The following RETREG1 variants were observed in gnomAD, a reference collection of about 807,000 sequenced individuals.
RETREG1 encodes family with sequence similarity 134 member B.
RETREG1 carries 44 observed loss-of-function variants against 54.8 expected under a neutral mutation model. The ratio of observed to expected loss-of-function variants is 0.80; its 90% CI spans 0.63 to 1.03. The LOEUF (loss-of-function observed/expected upper bound fraction) is 1.03, where lower values mean the gene tolerates loss of function less well. RETREG1 is among the 50% of genes least tolerant of loss of function. The pLI, the probability that RETREG1 is intolerant of heterozygous loss-of-function variation, is 0.00. For synonymous variants in RETREG1, 217 were observed against 238.5 expected, an observed-to-expected ratio of 0.91 and a Z score of 0.83; for missense variants, 554 against 605.1, an observed-to-expected ratio of 0.92 and a Z score of 0.89.
rs1173520602 is a variant in RETREG1, at chr5:16,583,730, AC to A, written c.321-11629del. On this transcript the variant is annotated intron_variant, in intron 1 of 8. Coordinates refer to ENST00000306320, the MANE Select transcript of RETREG1 (RefSeq NM_001034850.3). ...AGTTCTTTCCATGTGTAAAAATCTA[AC>A]CCTCATTTCTGAGTAAAGCACAACC... Among the ~76,000 whole-genome samples the A allele has an allele frequency of 5.9e-5, 9 of 152,266 alleles. No homozygotes were observed. The East Asian group carries it at 1.5e-3, about 26-fold the overall frequency.
At chr5:16,514,464 G>C (rs1740281206) in intron 3 of RETREG1, among the ~76,000 whole-genome samples, 1 of 152,120 alleles carries the variant, frequency 6.6e-6, no homozygotes. Context: ...TGTATCTTCA[G>C]TATATTCCGT....
At chr5:16,526,920 A>G (rs1035238504) in intron 3 of RETREG1, among the ~76,000 whole-genome samples, 2 of 152,170 alleles carry the variant, frequency 1.3e-5, no homozygotes, top group Admixed American at 6.5e-5. Flanking sequence ...GCTACAGACA[A>G]CTAACACTCA....
At chr5:16,614,949 A>G (rs1465771252) in intron 1 of RETREG1, among the ~76,000 whole-genome samples, 1 of 152,220 alleles carries the variant, frequency 6.6e-6, no homozygotes, top group South Asian at 2.1e-4. Context: ...GAGACACAGG[A>G]AACTAGCAAC....
At position 16,521,575 on chromosome 5, in the gene RETREG1, T is replaced by A. The variant is rs1579641698; in HGVS notation, c.459-38103A>T. ...TAGCAAACGTAAGGAAGTGGAAATT[T>A]TCAAAGTCCACACACCATAGAGACA... On this transcript the variant is annotated intron_variant, in intron 3 of 8. Transcript: ENST00000306320. 2.0e-5 allele frequency among the ~76,000 whole-genome samples: 3 copies of A among 152,312 alleles called. No homozygotes were observed. The East Asian group carries it at 5.8e-4, about 29-fold the overall frequency.
intron 3 of RETREG1, among the ~76,000 whole-genome samples, chr5:16,563,409 C>A (rs540796589): frequency 6.6e-6 from 1 of 152,194 alleles, no homozygotes; most frequent in Admixed American, 6.5e-5. Context: ...ATGCATGCGC[C>A]ACCATGCCCA....
chr5:16,605,890 G>C (rs556340109), intron 1 of RETREG1, among the ~76,000 whole-genome samples: 1 of 152,212 alleles, frequency 6.6e-6, no homozygotes, highest in African/African-American at 2.4e-5. Flanking sequence ...CCTCCTAAAG[G>C]CTCCACCTCT....
intron 3 of RETREG1, among the ~76,000 whole-genome samples, chr5:16,535,369 G>A (rs980388124): frequency 2.6e-5 from 4 of 151,910 alleles, no homozygotes; most frequent in African/African-American, 4.8e-5. Context: ...GAGCTCCTGC[G>A]TGCATGGGGC....
chr5:16,592,819 C>T (rs566369226), intron 1 of RETREG1, among the ~76,000 whole-genome samples: 9 of 152,138 alleles, frequency 5.9e-5, no homozygotes, highest in Non-Finnish European at 1.2e-4. Context: ...CACATGTTCT[C>T]ACTTATAAGT....
chr5:16,578,960 G>A (rs1321688119), intron 1 of RETREG1, among the ~76,000 whole-genome samples: 1 of 152,196 alleles, frequency 6.6e-6, no homozygotes, highest in Non-Finnish European at 1.5e-5. Flanking sequence ...AGAGAAGGTG[G>A]CATCTAAACT....
At chr5:16,534,998 G>A (rs572932430) in intron 3 of RETREG1, among the ~76,000 whole-genome samples, 1 of 152,272 alleles carries the variant, frequency 6.6e-6, no homozygotes, top group South Asian at 2.1e-4. Context: ...AGCTTCCAGA[G>A]TGGTAGAGAA....
chr5:16,494,732 T>A (rs907324655), intron 3 of RETREG1, among the ~76,000 whole-genome samples: 3 of 152,206 alleles, frequency 2.0e-5, no homozygotes, highest in Non-Finnish European at 2.9e-5. Flanking sequence ...TGGTATTTCT[T>A]TATAGCAGTG....
At position 16,573,735 on chromosome 5, in the gene RETREG1, G is replaced by GT. The variant is rs3993826; in HGVS notation, c.321-1634dup. Among the ~76,000 whole-genome samples the GT allele has an allele frequency of 2.5e-3, 303 of 122,134 alleles. 17 individuals carry two copies. The highest frequency in any genetic ancestry group is 0.011 in the Middle Eastern group (2 of 182). 80.1% of individuals were successfully genotyped at this position (122,134 alleles called of 152,430 possible). On this transcript the variant is annotated intron_variant, in intron 1 of 8. Transcript: ENST00000306320. ...TTTAATTGGTTTTTTGGGTTTGTTT[G>GT]TTTTTTGTTTTTTTTTTTTTTTTTT...
intron 3 of RETREG1, among the ~76,000 whole-genome samples, chr5:16,511,792 G>A (rs1282664830): frequency 1.3e-5 from 2 of 152,182 alleles, no homozygotes; most frequent in African/African-American, 4.8e-5. Context: ...TAGAATCATG[G>A]TGGAGGGGGA....
chr5:16,616,476 G>A (rs777152056), intron 1 of RETREG1, 176 bp downstream of exon 1: 2 of 1,139,848 alleles, frequency 1.8e-6, no homozygotes, highest in East Asian at 5.9e-5. Flanking sequence ...TGCGTCCGGA[G>A]GAAAGTTGCG....
chr5:16,497,400 C>CA (rs1358580429), intron 3 of RETREG1, among the ~76,000 whole-genome samples: 1 of 152,184 alleles, frequency 6.6e-6, no homozygotes, highest in Non-Finnish European at 1.5e-5. Context: ...ACACTACCGG[C>CA]AAAGCTGCTA....
intron 1 of RETREG1, among the ~76,000 whole-genome samples, chr5:16,580,254 C>T (rs998403495): frequency 1.3e-5 from 2 of 152,196 alleles, no homozygotes; most frequent in Non-Finnish European, 2.9e-5. Context: ...GTACTGGAGT[C>T]CTGTCACTCC....
chr5:16,575,957 G>C (rs1742306390), intron 1 of RETREG1, among the ~76,000 whole-genome samples: 1 of 152,180 alleles, frequency 6.6e-6, no homozygotes, highest in South Asian at 2.1e-4. Context: ...ATTTAGACTT[G>C]TGATTGGAAA....
chr5:16,525,034 T>C (rs1306695236), intron 3 of RETREG1, among the ~76,000 whole-genome samples: 3 of 151,532 alleles, frequency 2.0e-5, no homozygotes, highest in Non-Finnish European at 4.4e-5. Context: ...GACACTGTGA[T>C]GACCTGTGTC....
At chr5:16,492,522 C>G (rs372572977) in intron 3 of RETREG1, among the ~76,000 whole-genome samples, 1 of 150,754 alleles carries the variant, frequency 6.6e-6, no homozygotes, top group Non-Finnish European at 1.5e-5. Flanking sequence ...CCATGACAAA[C>G]AGCTGCTGCA....
Sources: gnomAD v4.1 joint callset for allele counts (sites outside exome capture counted in the v4.1 genomes callset) on GRCh38, gnomAD v4.1.1 for gene constraint, MANE v1.5 for transcripts, NCBI Gene and HGNC (gene_info 2026-07-23, HGNC 2026-07-21) for gene names.